The following ENPP2 variants were observed in gnomAD, a reference collection of about 807,000 sequenced individuals.
ENPP2 encodes ectonucleotide pyrophosphatase/phosphodiesterase 2.
A neutral mutation model predicts 120.2 loss-of-function variants in ENPP2; 51 were observed. The ratio of observed to expected loss-of-function variants is 0.42; its 90% CI spans 0.34 to 0.54. The LOEUF is 0.54. Ranked by LOEUF, ENPP2 falls within the 20% of genes least tolerant of loss-of-function variation. The pLI is 0.04. For missense variants in ENPP2, 920 were observed against 1,066.5 expected, an observed-to-expected ratio of 0.86 and a Z score of 1.91; for synonymous variants, 365 against 366.4, an observed-to-expected ratio of 1.00 and a Z score of 0.04.
intron 2 of ENPP2, among the ~76,000 whole-genome samples, chr8:119,636,870 C>T (rs1036437029): frequency 4.6e-5 from 7 of 151,994 alleles, no homozygotes; most frequent in African/African-American, 1.7e-4. Context: ...TCACAAGTGA[C>T]TTGCCCAACA....
intron 3 of ENPP2, 60 bp downstream of exon 3, chr8:119,626,505 A>T (rs1055069429): frequency 8.3e-6 from 12 of 1,443,234 alleles, no homozygotes; most frequent in Admixed American, 1.7e-5. Flanking sequence ...GGATGCATAC[A>T]ATAGCAGGCA....
chr8:119,592,636 T>TATAA (rs1202544349), intron 12 of ENPP2, among the ~76,000 whole-genome samples: 3 of 151,764 alleles, frequency 2.0e-5, no homozygotes, highest in African/African-American at 7.3e-5. Flanking sequence ...CCCTTCTACT[T>TATAA]AGATGTCTGG....
intron 1 of ENPP2, among the ~76,000 whole-genome samples, chr8:119,650,657 C>T (rs1282532210): frequency 6.6e-6 from 1 of 152,138 alleles, no homozygotes; most frequent in Non-Finnish European, 1.5e-5. Context: ...TGATGATTAA[C>T]AGGAGGACTG....
intron 6 of ENPP2, 26 bp from the exon 7 acceptor site, chr8:119,617,269 A>C: frequency 6.4e-7 from 1 of 1,556,760 alleles, no homozygotes. Flanking sequence ...CAAATATTAG[A>C]ACAAGAGAAC....
chr8:119,581,602 T>C (rs1436610792), intron 18 of ENPP2, among the ~76,000 whole-genome samples: 2 of 152,022 alleles, frequency 1.3e-5, no homozygotes, highest in Non-Finnish European at 2.9e-5. Context: ...TTTTGGAAAC[T>C]TACTCCTTCC....
intron 24 of ENPP2, among the ~76,000 whole-genome samples, chr8:119,562,177 T>C (rs1473552945): frequency 6.7e-6 from 1 of 150,182 alleles, no homozygotes; most frequent in East Asian, 2.0e-4. Flanking sequence ...GCACAATGGC[T>C]CATGCCTATA....
chr8:119,593,438 C>G (rs1481695009), intron 12 of ENPP2, among the ~76,000 whole-genome samples: 1 of 151,928 alleles, frequency 6.6e-6, no homozygotes. Flanking sequence ...ATGTCACATT[C>G]ACAGAAGAAG....
intron 2 of ENPP2, among the ~76,000 whole-genome samples, chr8:119,628,561 G>GT (rs1222252137): frequency 2.6e-5 from 4 of 152,096 alleles, no homozygotes; most frequent in African/African-American, 9.7e-5. Flanking sequence ...CTATTGCACC[G>GT]TAAGAGGACT....
chr8:119,667,122 A>T (rs1484948623), intron 1 of ENPP2, among the ~76,000 whole-genome samples: 1 of 152,214 alleles, frequency 6.6e-6, no homozygotes, highest in Admixed American at 6.5e-5. Context: ...CTAGGACCAT[A>T]CCAGGAAACC....
Position 119,586,204 on chromosome 8 carries a change from C to A in ENPP2, c.1349G>T (p.Arg450Leu), listed in dbSNP as rs747849078. The change falls in exon 15 of 25, where the codon CGC (arginine) becomes CTC (leucine). Residue 450 changes from arginine (R) to leucine (L), a missense_variant. Coordinates refer to ENST00000075322, the MANE Select transcript of ENPP2 (RefSeq NM_001040092.3). ...CAGTTACCTTGCAACATGCCATCTG[C>A]GTTCCACCAATAAATGGATATCCTC... ...RIEDIHLLVE[R>L]RWHVARKPLD... 1 of 1,614,018 alleles carries A rather than the reference C, an allele frequency of 6.2e-7. No homozygotes were observed. Among genetic ancestry groups the A allele is most frequent in the South Asian group, 1.1e-5 (1 of 91,058 alleles).
rs199761029 is a variant in ENPP2, at chr8:119,590,637, G to C, written c.1082-7C>G. On this transcript the variant is annotated splice_polypyrimidine_tract_variant and splice_region_variant and intron_variant, in intron 12 of 24. Coordinates refer to ENST00000075322, the MANE Select transcript of ENPP2 (RefSeq NM_001040092.3). ...CATGTGACATCTTCCATTCCTATGG[G>C]GAGGGAGAAAAAGAATATTTTCAGG... The C allele has an allele frequency of 2.7e-6, 4 of 1,478,922 alleles. No individual in the cohort carries two copies. The African/African-American group carries it at 4.4e-5, about 16-fold the overall frequency. 91.6% of individuals were successfully genotyped at this position (1,478,922 alleles called of 1,614,324 possible).
chr8:119,653,929 T>C (rs1400578525), intron 1 of ENPP2, among the ~76,000 whole-genome samples: 3 of 149,020 alleles, frequency 2.0e-5, no homozygotes, highest in Non-Finnish European at 4.4e-5. Flanking sequence ...TCTCTCTATA[T>C]ATTTTTTATC....
chr8:119,562,866 C>T lies in ENPP2; in HGVS notation c.2412G>A (p.Glu804=). The part of the protein sequence containing the change: ...FILPHRPDNE[E]SCNSSEDESK... ...CTCTCTGTAAACTCACATTGCAGCTCTCCTCGTTGTCAGGCCGGTGAGGCA... is the reference window on the plus strand; with the variant it reads ...CTCTCTGTAAACTCACATTGCAGCTTTCCTCGTTGTCAGGCCGGTGAGGCA... The change falls in exon 24 of 25, where the codon GAG becomes GAA. Residue 804 remains glutamate (E), a synonymous_variant. Transcript: ENST00000075322. The T allele has an allele frequency of 6.2e-7, 1 of 1,613,976 alleles. No homozygotes were observed. Among genetic ancestry groups the T allele is most frequent in the African/African-American group, 1.3e-5 (1 of 75,034 alleles).
At chr8:119,658,775 T>C (rs1457428135) in intron 1 of ENPP2, among the ~76,000 whole-genome samples, 2 of 152,092 alleles carry the variant, frequency 1.3e-5, no homozygotes, top group African/African-American at 4.8e-5. Context: ...TCTATGTCCC[T>C]CCCATTAAGT....
Position 119,562,986 on chromosome 8 carries a change from A to T in ENPP2, c.2292T>A (p.Val764=). ...TGATGATGCTGTAGTAGTGAGTTGG[A>T]ACAGGAATGGAACTGCCTTCCACGT... The part of the protein sequence containing the change: ...KQYVEGSSIP[V]PTHYYSIITS... The change falls in exon 24 of 25, where the codon GTT becomes GTA. Residue 764 remains valine, a synonymous_variant. Coordinates refer to ENST00000075322, the MANE Select transcript of ENPP2 (RefSeq NM_001040092.3). 6.2e-7 allele frequency: 1 copy of T among 1,614,072 alleles called. No individual in the cohort carries two copies. Among genetic ancestry groups the T allele is most frequent in the Non-Finnish European group, 8.5e-7 (1 of 1,179,950 alleles).
At chr8:119,630,031 G>C (rs529168837) in intron 2 of ENPP2, among the ~76,000 whole-genome samples, 1 of 152,222 alleles carries the variant, frequency 6.6e-6, no homozygotes, top group Non-Finnish European at 1.5e-5. Context: ...TTACAGATGT[G>C]CGGTGTTCCT....
At chr8:119,634,587 T>C (rs974686740) in intron 2 of ENPP2, among the ~76,000 whole-genome samples, 1 of 152,202 alleles carries the variant, frequency 6.6e-6, no homozygotes, top group African/African-American at 2.4e-5. Flanking sequence ...TTTATCCCCA[T>C]TTTCCTGGTT....
chr8:119,668,399 TTTTTTCTTTTTC>T (rs1263028275), intron 1 of ENPP2, among the ~76,000 whole-genome samples: 47 of 150,104 alleles, frequency 3.1e-4, no homozygotes, highest in African/African-American at 1.0e-3. Flanking sequence ...TCTATACTTT[TTTTTTCTTTTTC>T]TTTTTCTTTT....
intron 24 of ENPP2, among the ~76,000 whole-genome samples, chr8:119,560,646 G>A (rs749944301): frequency 6.6e-6 from 1 of 152,108 alleles, no homozygotes; most frequent in Non-Finnish European, 1.5e-5. Context: ...AGCCAAAAAC[G>A]TTGCTCTTCC....
Sources: gnomAD v4.1 joint callset for allele counts (sites outside exome capture counted in the v4.1 genomes callset) on GRCh38, gnomAD v4.1.1 for gene constraint, MANE v1.5 for transcripts, NCBI Gene and HGNC (gene_info 2026-07-23, HGNC 2026-07-21) for gene names.